SRBD1: variants seen among roughly 807,000 people sequenced by gnomAD.
The protein encoded by SRBD1 is S1 RNA binding domain 1, also known as S1 RNA-binding domain-containing protein 1.
A neutral mutation model predicts 115.3 loss-of-function variants in SRBD1; 88 were observed. That is an observed-to-expected ratio of 0.76 (90% CI 0.64 to 0.91). SRBD1 has a LOEUF of 0.91. Among genes scored for constraint, SRBD1 ranks in the 40% least tolerant of loss-of-function variants. The probability of loss-of-function intolerance (pLI) is 0.00; values close to 1 mark genes in which losing one functional copy is unlikely to be tolerated. For missense variants in SRBD1, 1,385 were observed against 1,177.4 expected, an observed-to-expected ratio of 1.18 and a Z score of -2.58; for synonymous variants, 509 against 407.7, an observed-to-expected ratio of 1.25 and a Z score of -2.99.
chr2:45,513,242 C>T (rs1411425618), intron 14 of SRBD1, among the ~76,000 whole-genome samples: 2 of 152,092 alleles, frequency 1.3e-5, no homozygotes, highest in South Asian at 2.1e-4. Flanking sequence ...CTTCATCATA[C>T]GAAACTGTGT....
chr2:45,606,788 G>A (rs1349883531), intron 1 of SRBD1, among the ~76,000 whole-genome samples: 1 of 152,188 alleles, frequency 6.6e-6, no homozygotes, highest in Non-Finnish European at 1.5e-5. Context: ...ATAAGTGGCT[G>A]CCTGATATTA....
intron 4 of SRBD1, among the ~76,000 whole-genome samples, chr2:45,586,317 C>T (rs1233343001): frequency 6.6e-6 from 1 of 151,802 alleles, no homozygotes; most frequent in Non-Finnish European, 1.5e-5. Context: ...GAGCAAAAAC[C>T]TAAGTTTACA....
Position 45,605,443 on chromosome 2 carries a change from T to A in SRBD1, c.1-2A>T. 6.2e-7 allele frequency: 1 copy of A among 1,612,994 alleles called. No homozygotes were observed. The highest frequency in any genetic ancestry group is 1.1e-5 in the South Asian group (1 of 90,976). On this transcript the variant is annotated splice_acceptor_variant, in intron 1 of 20. Transcript: ENST00000263736. LOFTEE classifies it low-confidence loss of function (5UTR_SPLICE). The stretch of plus-strand genomic sequence containing the variant: ...CGCTCTTCTTGGCAATGATGACATC[T>A]AGAAGAAACAGAAAATAAAATCAGC...
Position 45,498,600 on chromosome 2 carries a change from T to C in SRBD1, c.1875-10269A>G, listed in dbSNP as rs1245921489. Among the ~76,000 whole-genome samples, 3 of 152,208 alleles carry C rather than the reference T, an allele frequency of 2.0e-5. No homozygotes were observed. The East Asian group carries it at 5.8e-4, about 29-fold the overall frequency. ...ATATATAATAAATTACTGTTAATTATAATTTCCCCACTGTACTACGGAATA... is the reference window on the plus strand; with the variant it reads ...ATATATAATAAATTACTGTTAATTACAATTTCCCCACTGTACTACGGAATA... On this transcript the variant is annotated intron_variant, in intron 14 of 20. Transcript: ENST00000263736.
intron 2 of SRBD1, 98 bp from the exon 3 acceptor site, chr2:45,602,181 A>C: frequency 7.3e-7 from 1 of 1,375,774 alleles, no homozygotes; most frequent in Non-Finnish European, 9.8e-7. Flanking sequence ...ATAAAGTAGG[A>C]GGTGTTTAAT....
At chr2:45,452,245 C>T (rs1245713452) in intron 16 of SRBD1, among the ~76,000 whole-genome samples, 1 of 151,738 alleles carries the variant, frequency 6.6e-6, no homozygotes, top group Non-Finnish European at 1.5e-5. Flanking sequence ...TAAAAATTTG[C>T]CACATCTAAC....
intron 14 of SRBD1, among the ~76,000 whole-genome samples, chr2:45,537,739 C>T (rs1671808978): frequency 6.6e-6 from 1 of 152,142 alleles, no homozygotes; most frequent in Non-Finnish European, 1.5e-5. Flanking sequence ...ATATCTCATC[C>T]ATCACATGCC....
chr2:45,494,050 A>C (rs1216854441), intron 14 of SRBD1, among the ~76,000 whole-genome samples: 2 of 151,668 alleles, frequency 1.3e-5, no homozygotes. Context: ...TATTTATGAT[A>C]GCACAACTGT....
intron 14 of SRBD1, among the ~76,000 whole-genome samples, chr2:45,492,822 T>G (rs1051233524): frequency 6.6e-6 from 1 of 152,234 alleles, no homozygotes; most frequent in Non-Finnish European, 1.5e-5. Flanking sequence ...CATGAATCTC[T>G]TTTCTTCCCA....
chr2:45,406,833 T>G (rs1459936525), intron 19 of SRBD1, among the ~76,000 whole-genome samples: 1 of 152,124 alleles, frequency 6.6e-6, no homozygotes, highest in Non-Finnish European at 1.5e-5. Context: ...TTCAGCCACG[T>G]GATGATAGAG....
chr2:45,592,025 A>G, intron 4 of SRBD1, among the ~76,000 whole-genome samples: 1 of 152,122 alleles, frequency 6.6e-6, no homozygotes, highest in South Asian at 2.1e-4. Flanking sequence ...CATGGGGGCC[A>G]GTCTCTCCTG....
intron 20 of SRBD1, among the ~76,000 whole-genome samples, chr2:45,389,896 G>A (rs1231730711): frequency 6.6e-6 from 1 of 152,282 alleles, no homozygotes; most frequent in East Asian, 1.9e-4. Flanking sequence ...GTGAAGAGGT[G>A]ATGAGAATAT....
At chr2:45,573,168 A>T (rs1673072896) in intron 9 of SRBD1, 39 bp downstream of exon 9, 1 of 1,535,480 alleles carries the variant, frequency 6.5e-7, no homozygotes, top group Non-Finnish European at 8.7e-7. Context: ...TATTATCATT[A>T]TTACGAAATC....
intron 14 of SRBD1, among the ~76,000 whole-genome samples, chr2:45,526,891 T>G (rs1193740510): frequency 1.3e-5 from 2 of 151,718 alleles, no homozygotes; most frequent in African/African-American, 4.8e-5. Flanking sequence ...AGAGCATGAA[T>G]AGCTACGGAG....
At chr2:45,545,105 T>C (rs1472895405) in intron 14 of SRBD1, among the ~76,000 whole-genome samples, 1 of 151,052 alleles carries the variant, frequency 6.6e-6, no homozygotes, top group South Asian at 2.1e-4. Flanking sequence ...ACGGTGAAAC[T>C]CCATCTCTAC....
chr2:45,460,941 G>C (rs990692507), intron 16 of SRBD1, among the ~76,000 whole-genome samples: 1 of 152,152 alleles, frequency 6.6e-6, no homozygotes, highest in African/African-American at 2.4e-5. Flanking sequence ...TTTCAAAGTA[G>C]ATACAAAGTC....
At chr2:45,429,979 C>T (rs999358839) in intron 16 of SRBD1, among the ~76,000 whole-genome samples, 2 of 152,162 alleles carry the variant, frequency 1.3e-5, no homozygotes, top group Non-Finnish European at 2.9e-5. Context: ...AAATCACAGG[C>T]ACTCCTATAC....
At chr2:45,397,604 T>C (rs1218338649) in intron 19 of SRBD1, among the ~76,000 whole-genome samples, 1 of 152,186 alleles carries the variant, frequency 6.6e-6, no homozygotes, top group Non-Finnish European at 1.5e-5. Context: ...CACTGAGGAA[T>C]CTTTTCAAAC....
chr2:45,462,718 T>C (rs1156480990), intron 16 of SRBD1, among the ~76,000 whole-genome samples: 7 of 150,710 alleles, frequency 4.6e-5, no homozygotes, highest in Admixed American at 4.0e-4. Flanking sequence ...CCCAGCTACT[T>C]GGGAGGCTGA....
Sources: allele counts gnomAD v4.1 joint callset (sites outside exome capture counted in the v4.1 genomes callset), GRCh38; gene constraint gnomAD v4.1.1; transcripts MANE v1.5; gene names NCBI Gene and HGNC (gene_info 2026-07-23, HGNC 2026-07-21).